Variants in ATAD5 observed in about 807,000 individuals in gnomAD.
ATAD5 encodes ATPase family AAA domain-containing protein 5.
A neutral mutation model predicts 176.9 loss-of-function variants in ATAD5; 58 were observed. The ratio of observed to expected loss-of-function variants is 0.33; its 90% CI spans 0.27 to 0.41. ATAD5 has a LOEUF of 0.41. ATAD5 is among the 10% of genes least tolerant of loss of function. The pLI is 1.00. For synonymous variants in ATAD5, 640 were observed against 712.6 expected (o/e 0.90, Z 1.62); for missense variants, 1,789 against 2,094.1 (o/e 0.85, Z 2.84).
At chr17:30,880,165 G>A (rs1402933037) in intron 18 of ATAD5, among the ~76,000 whole-genome samples, 3 of 151,988 alleles carry the variant, frequency 2.0e-5, no homozygotes, top group African/African-American at 7.2e-5. Flanking sequence ...TTAGCCAGGT[G>A]TGGTGGCACA....
chr17:30,835,309 C>G lies in ATAD5; in HGVS notation c.1228C>G (p.Pro410Ala), dbSNP rs750280559. ...RQQFMKAFRQ[P>A]ASDALKNGVK... ...GCAATTTATGAAAGCATTTAGGCAGCCAGCATCAGATGCACTTAAAAATGG... is the reference window on the plus strand; with the variant it reads ...GCAATTTATGAAAGCATTTAGGCAGGCAGCATCAGATGCACTTAAAAATGG... The change falls in exon 2 of 23, where the codon CCA becomes GCA. Residue 410 changes from proline (P) to alanine (A), a missense_variant. Pro to Ala is a conservative substitution (Grantham distance 27). Coordinates refer to ENST00000321990, the MANE Select transcript of ATAD5 (RefSeq NM_024857.5). 3 of 1,613,780 alleles carry G rather than the reference C, an allele frequency of 1.9e-6. No individual in the cohort carries two copies. The African/African-American group carries it at 4.0e-5, about 22-fold the overall frequency.
chr17:30,895,080 A>C lies in ATAD5; in HGVS notation c.*167A>C. On this transcript the variant is annotated 3_prime_UTR_variant, in exon 23 of 23. Coordinates refer to ENST00000321990, the MANE Select transcript of ATAD5 (RefSeq NM_024857.5). ...AAATATTTAAAATATTTGAGTTACAAATTTTATATATGATTGTAATTTTTT... is the reference window on the plus strand; with the variant it reads ...AAATATTTAAAATATTTGAGTTACACATTTTATATATGATTGTAATTTTTT... The C allele has an allele frequency of 4.3e-6, 2 of 470,266 alleles. No homozygotes were observed. Among genetic ancestry groups the C allele is most frequent in the Non-Finnish European group, 3.6e-6 (1 of 275,334 alleles). The allele number at this position is 470,266 out of a possible 1,614,324, so 29.1% of individuals were successfully genotyped here.
At chr17:30,871,808 G>GC (rs1453370360) in intron 14 of ATAD5, among the ~76,000 whole-genome samples, 3 of 152,044 alleles carry the variant, frequency 2.0e-5, no homozygotes, top group African/African-American at 7.2e-5. Context: ...ATGTATTCCT[G>GC]ACTGTTCTTT....
Position 30,836,033 on chromosome 17 carries a change from C to T in ATAD5, c.1952C>T (p.Ser651Leu), listed in dbSNP as rs921395535. The T allele has an allele frequency of 1.3e-6, 2 of 1,599,622 alleles. No individual in the cohort carries two copies. The highest frequency in any genetic ancestry group is 8.5e-7 in the Non-Finnish European group (1 of 1,174,878). The change falls in exon 2 of 23, where the codon TCA becomes TTA. Residue 651 changes from serine to leucine, a missense_variant. By Grantham distance (145) the Ser-to-Leu change is moderately radical. Around this residue, in one of 6 missense-constraint regions of ATAD5, gnomAD observed 487 missense variants for 573.6 expected, o/e 0.85. Transcript: ENST00000321990. ...GAATTAATAACAGTACCCTTTGATT[C>T]AGAGAGCCCTATTAGGTAAGGTTTG... ...TAELITVPFD[S>L]ESPIRMKFTR... is the part of the protein sequence containing the mutation.
At chr17:30,846,054 A>C (rs920871123) in intron 6 of ATAD5, among the ~76,000 whole-genome samples, 1 of 152,194 alleles carries the variant, frequency 6.6e-6, no homozygotes, top group African/African-American at 2.4e-5. Flanking sequence ...TTAAGTATGC[A>C]GTTTTGACAA....
At chr17:30,840,362 A>G (rs1906031139) in intron 3 of ATAD5, among the ~76,000 whole-genome samples, 2 of 152,118 alleles carry the variant, frequency 1.3e-5, no homozygotes, top group African/African-American at 4.8e-5. Context: ...TAAAAAATAG[A>G]TTGCCAAGTC....
At chr17:30,866,016 A>G (rs1439424628) in intron 11 of ATAD5, among the ~76,000 whole-genome samples, 1 of 151,996 alleles carries the variant, frequency 6.6e-6, no homozygotes, top group Non-Finnish European at 1.5e-5. Flanking sequence ...AAATATTTTT[A>G]TGCATATGTT....
chr17:30,886,438 C>T (rs939725560), intron 18 of ATAD5, among the ~76,000 whole-genome samples: 2 of 151,434 alleles, frequency 1.3e-5, no homozygotes, highest in Non-Finnish European at 2.9e-5. Flanking sequence ...CTTGCTCCAT[C>T]GCCGAGGCTG....
chr17:30,886,055 A>AC (rs1408124513), intron 18 of ATAD5, among the ~76,000 whole-genome samples: 12 of 150,946 alleles, frequency 7.9e-5, no homozygotes, highest in Non-Finnish European at 1.5e-4. Context: ...CTAATGATAA[A>AC]CCCCCCTTGG....
In ATAD5 at chr17:30,894,977, A is replaced by T; in HGVS notation, c.*64A>T. On this transcript the variant is annotated 3_prime_UTR_variant, in exon 23 of 23. Coordinates refer to ENST00000321990, the MANE Select transcript of ATAD5 (RefSeq NM_024857.5). ...GGTCCTTAAGATACATTTTTATATT[A>T]TGTGGATCTTCATGGAAAAGTATAT... is the stretch of plus-strand genomic sequence containing the variant. 9.3e-7 allele frequency: 1 copy of T among 1,070,462 alleles called. No homozygotes were observed. Among genetic ancestry groups the T allele is most frequent in the Non-Finnish European group, 1.3e-6 (1 of 762,546 alleles). 66.3% of individuals were successfully genotyped at this position (1,070,462 alleles called of 1,614,324 possible). A position where few individuals can be genotyped will look rare whatever the true frequency, so the allele number is the denominator to read the frequency against.
chr17:30,846,399 T>G (rs866341451), intron 6 of ATAD5, among the ~76,000 whole-genome samples: 3,980 of 148,826 alleles, frequency 0.027, 195 homozygotes, highest in African/African-American at 0.097. Flanking sequence ...GTTTGAGGTT[T>G]TTTTTTTTTT....
rs1361701545 is a variant in ATAD5 at position 30,855,328 on chromosome 17, G to A, written c.2635+1G>A. 1.3e-6 allele frequency: 2 copies of A among 1,574,980 alleles called. No individual in the cohort carries two copies. Among genetic ancestry groups the A allele is most frequent in the Admixed American group, 2.0e-5 (1 of 50,654 alleles). ...GTACATGTGCAACAAAAGGATGATG[G>A]TAAGTTTGTTTTTTATTATTGAATA... On this transcript the variant is annotated splice_donor_variant, in intron 7 of 22. Coordinates refer to ENST00000321990, the MANE Select transcript of ATAD5 (RefSeq NM_024857.5). LOFTEE classifies it high-confidence loss of function.
chr17:30,887,440 G>A (rs550428511), intron 19 of ATAD5, 68 bp downstream of exon 19: 2 of 1,363,028 alleles, frequency 1.5e-6, no homozygotes, highest in Non-Finnish European at 2.0e-6. Context: ...GCTATGGCTG[G>A]GTGCAGTGGC....
chr17:30,873,685 T>C (rs1908473162), intron 14 of ATAD5, among the ~76,000 whole-genome samples: 1 of 138,272 alleles, frequency 7.2e-6, no homozygotes, highest in African/African-American at 3.2e-5. Flanking sequence ...AAAATAAAAA[T>C]TGCCTTTTTT....
At chr17:30,866,423 T>C (rs2142389988) in intron 11 of ATAD5, among the ~76,000 whole-genome samples, 1 of 150,390 alleles carries the variant, frequency 6.6e-6, no homozygotes, top group East Asian at 2.0e-4. Flanking sequence ...CTCAAACTCC[T>C]GACCTCAGGT....
chr17:30,840,085 C>G (rs1597953274), intron 3 of ATAD5, among the ~76,000 whole-genome samples: 2 of 151,464 alleles, frequency 1.3e-5, no homozygotes, highest in East Asian at 4.0e-4. Flanking sequence ...GTAGTCCCAG[C>G]TACTTGGGAG....
At chr17:30,832,438 G>T (rs750251033) in intron 1 of ATAD5, 25 bp downstream of exon 1, 1 of 1,522,568 alleles carries the variant, frequency 6.6e-7, no homozygotes, top group Non-Finnish European at 8.8e-7. Context: ...AGGATCTGTT[G>T]AGTTCCTTCC....
At position 30,850,251 on chromosome 17, in the gene ATAD5, A is replaced by G. The variant is rs570676989; in HGVS notation, c.2451-4892A>G. 2.6e-5 allele frequency among the ~76,000 whole-genome samples: 4 copies of G among 151,948 alleles called. No individual in the cohort carries two copies. In the South Asian group the frequency reaches 6.2e-4, roughly 24 times the overall value. ...TAGAACACTAGAAGTTATTCCTCCT[A>G]TCTAGCTATACTTTTATATCTGTTA... On this transcript the variant is annotated intron_variant, in intron 6 of 22. Transcript: ENST00000321990.
chr17:30,836,630 C>A (rs1370626662), intron 2 of ATAD5, among the ~76,000 whole-genome samples: 1 of 152,060 alleles, frequency 6.6e-6, no homozygotes, highest in Non-Finnish European at 1.5e-5. Context: ...TGCAGTAGCA[C>A]AATCTCAGCT....
Sources: gnomAD v4.1 joint callset for allele counts (sites outside exome capture counted in the v4.1 genomes callset) on GRCh38, gnomAD v4.1.1 for gene constraint, gnomAD v4.1.1 regional missense constraint, MANE v1.5 for transcripts, NCBI Gene and HGNC (gene_info 2026-07-23, HGNC 2026-07-21) for gene names.